Variants in ACTR3C observed in about 807,000 individuals in gnomAD.
The protein encoded by ACTR3C is actin related protein 3C.
In ACTR3C, 18 loss-of-function variants were observed where a neutral mutation model predicts 26.3. The observed-to-expected ratio is 0.68, with a 90% CI of 0.47 to 1.01. The LOEUF (loss-of-function observed/expected upper bound fraction) is 1.01. Among genes scored for constraint, ACTR3C ranks in the 50% least tolerant of loss-of-function variants. The pLI, the probability that ACTR3C is intolerant of heterozygous loss-of-function variation, is 0.00. For synonymous variants in ACTR3C, 55 were observed against 94.5 expected, an observed-to-expected ratio of 0.58 and a Z score of 2.42; for missense variants, 184 against 250.7, an observed-to-expected ratio of 0.73 and a Z score of 1.80.
the ACTR3C span, among the ~76,000 whole-genome samples, chr7:150,226,402 G>C: frequency 1.3e-5 from 2 of 152,192 alleles, no homozygotes; most frequent in East Asian, 1.9e-4. Context: ...TTTCTAAATA[G>C]TGTGTAATAG....
chr7:150,141,215 G>A, the ACTR3C span, among the ~76,000 whole-genome samples: 459 of 152,310 alleles, frequency 3.0e-3, 2 homozygotes, highest in African/African-American at 0.01. Context: ...ACCAGAAAAA[G>A]TTCACAATTT....
chr7:150,110,697 G>A, the ACTR3C span, among the ~76,000 whole-genome samples: 19 of 149,650 alleles, frequency 1.3e-4, no homozygotes, highest in Non-Finnish European at 2.5e-4. Context: ...GGTGGGGCTG[G>A]CAGGGGGCGG....
At chr7:150,085,380 G>C in the ACTR3C span, among the ~76,000 whole-genome samples, 1 of 152,216 alleles carries the variant, frequency 6.6e-6, no homozygotes, top group South Asian at 2.1e-4. Context: ...ACCGGTTGAG[G>C]AAATGGAAAA....
chr7:150,076,419 G>T, the ACTR3C span: 3 of 152,110 alleles, frequency 2.0e-5, no homozygotes, highest in African/African-American at 7.2e-5. Flanking sequence ...TCTGAATCAG[G>T]CTGCTAATTT....
intron 1 of ACTR3C, among the ~76,000 whole-genome samples, chr7:150,302,637 C>A (rs993063464): frequency 1.3e-5 from 2 of 151,930 alleles, no homozygotes; most frequent in Non-Finnish European, 2.9e-5. Flanking sequence ...GTCAACAGTA[C>A]CTATGTTAAT....
chr7:150,080,930 T>C, the ACTR3C span, among the ~76,000 whole-genome samples: 1 of 152,242 alleles, frequency 6.6e-6, no homozygotes, highest in Non-Finnish European at 1.5e-5. Flanking sequence ...ACTAAATCAA[T>C]AATAACACCA....
At chr7:150,054,750 G>T in the ACTR3C span, among the ~76,000 whole-genome samples, 1 of 152,156 alleles carries the variant, frequency 6.6e-6, no homozygotes, top group African/African-American at 2.4e-5. Context: ...TGAAAAAATG[G>T]CATGGTCAAG....
chr7:150,182,501 C>A, the ACTR3C span, among the ~76,000 whole-genome samples: 1 of 150,598 alleles, frequency 6.6e-6, no homozygotes, highest in African/African-American at 2.5e-5. Context: ...CCGTAAAATT[C>A]AGCTTTATGA....
At chr7:150,020,424 G>A in the ACTR3C span, among the ~76,000 whole-genome samples, 2 of 152,074 alleles carry the variant, frequency 1.3e-5, no homozygotes, top group Admixed American at 6.5e-5. Context: ...CTGTTTCAAA[G>A]AGCTGTATTC....
intron 2 of ACTR3C, among the ~76,000 whole-genome samples, chr7:150,293,738 C>A (rs1400180703): frequency 6.6e-6 from 1 of 152,190 alleles, no homozygotes; most frequent in Non-Finnish European, 1.5e-5. Flanking sequence ...GAGTTCGAGA[C>A]CAGCCTGGGC....
chr7:150,085,632 C>T, the ACTR3C span, among the ~76,000 whole-genome samples: 1 of 152,160 alleles, frequency 6.6e-6, no homozygotes, highest in Non-Finnish European at 1.5e-5. Flanking sequence ...AAAACAGTTT[C>T]TCCAGCATTC....
intron 1 of ACTR3C, among the ~76,000 whole-genome samples, chr7:150,309,835 G>A (rs530583812): frequency 3.3e-5 from 5 of 152,254 alleles, no homozygotes; most frequent in Admixed American, 6.5e-5. Context: ...GATGCTGCCC[G>A]ATCACCTGGG....
the ACTR3C span, among the ~76,000 whole-genome samples, chr7:149,948,116 C>T: frequency 1.5e-3 from 214 of 141,470 alleles, 1 homozygote; most frequent in Non-Finnish European, 2.6e-3. Context: ...CTAATACATG[C>T]TTGCAATAAG....
At chr7:150,093,447 T>C in the ACTR3C span, among the ~76,000 whole-genome samples, 2 of 151,304 alleles carry the variant, frequency 1.3e-5, no homozygotes, top group East Asian at 1.9e-4. Context: ...AGCCCAAAGA[T>C]ACATCGACAT....
the ACTR3C span, among the ~76,000 whole-genome samples, chr7:150,064,500 G>T: frequency 6.7e-6 from 1 of 150,172 alleles, no homozygotes; most frequent in African/African-American, 2.5e-5. Flanking sequence ...GTGAGGCGGA[G>T]GTTGCAGTAC....
the ACTR3C span, among the ~76,000 whole-genome samples, chr7:150,180,133 A>C: frequency 1.5e-5 from 2 of 133,934 alleles, no homozygotes; most frequent in Non-Finnish European, 3.3e-5. Flanking sequence ...GTGAAACCCC[A>C]TCTCTACTAA....
chr7:150,284,267 A>C (rs1240711793), intron 6 of ACTR3C, among the ~76,000 whole-genome samples: 1 of 152,208 alleles, frequency 6.6e-6, no homozygotes, highest in African/African-American at 2.4e-5. Flanking sequence ...TTGGCCGGGC[A>C]TGGTGGCTCA....
chr7:149,981,445 C>T, the ACTR3C span, among the ~76,000 whole-genome samples: 1 of 150,934 alleles, frequency 6.6e-6, no homozygotes, highest in Admixed American at 6.6e-5. Context: ...GCTTCCTAGT[C>T]TGATGATTCT....
At chr7:149,928,741 G>T in the ACTR3C span, among the ~76,000 whole-genome samples, 13 of 151,576 alleles carry the variant, frequency 8.6e-5, no homozygotes, top group Non-Finnish European at 1.8e-4. Context: ...TACTCAGGAG[G>T]CTGGGGCAGG....
Sources: allele counts gnomAD v4.1 joint callset (sites outside exome capture counted in the v4.1 genomes callset), GRCh38; gene constraint gnomAD v4.1.1; transcripts MANE v1.5; gene names NCBI Gene and HGNC (gene_info 2026-07-23, HGNC 2026-07-21).